DSCAM: variants seen among roughly 807,000 people sequenced by gnomAD.
The protein encoded by DSCAM is DS cell adhesion molecule.
In DSCAM, 47 loss-of-function variants were observed where a neutral mutation model predicts 217.7. The observed-to-expected ratio is 0.22, with a 90% CI of 0.17 to 0.28. The LOEUF is 0.28. DSCAM is among the 10% of genes least tolerant of loss of function. The probability of loss-of-function intolerance (pLI) is 1.00; values close to 1 mark genes in which losing one functional copy is unlikely to be tolerated. For synonymous variants in DSCAM, 1,056 were observed against 1,015.3 expected, an observed-to-expected ratio of 1.04 and a Z score of -0.76; for missense variants, 2,080 against 2,618.3, an observed-to-expected ratio of 0.79 and a Z score of 4.49.
intron 3 of DSCAM, among the ~76,000 whole-genome samples, chr21:40,436,224 T>G (rs1011150735): frequency 6.6e-6 from 1 of 152,252 alleles, no homozygotes; most frequent in Non-Finnish European, 1.5e-5. Flanking sequence ...AAAGTGTCTC[T>G]GTATCAATTG....
intron 3 of DSCAM, among the ~76,000 whole-genome samples, chr21:40,430,318 T>C (rs947649014): frequency 1.3e-5 from 2 of 152,152 alleles, no homozygotes; most frequent in African/African-American, 4.8e-5. Context: ...TGTGAGGGTG[T>C]TGACAAAGGA....
chr21:40,104,196 T>C (rs2089789360), intron 20 of DSCAM, among the ~76,000 whole-genome samples: 1 of 152,208 alleles, frequency 6.6e-6, no homozygotes, highest in Non-Finnish European at 1.5e-5. Context: ...AAAGTTACAT[T>C]ATTAATTTAA....
At chr21:40,216,859 G>T (rs1421609677) in intron 11 of DSCAM, among the ~76,000 whole-genome samples, 1 of 152,212 alleles carries the variant, frequency 6.6e-6, no homozygotes, top group East Asian at 1.9e-4. Context: ...GGACACCTTG[G>T]CAGGGCTAAG....
intron 16 of DSCAM, among the ~76,000 whole-genome samples, chr21:40,160,804 T>G (rs2090532209): frequency 6.6e-6 from 1 of 152,170 alleles, no homozygotes; most frequent in East Asian, 1.9e-4. Context: ...ATACAAAAAA[T>G]CAAAGTGCCT....
chr21:40,166,262 G>C (rs1297626682), intron 16 of DSCAM, among the ~76,000 whole-genome samples: 1 of 152,064 alleles, frequency 6.6e-6, no homozygotes, highest in Non-Finnish European at 1.5e-5. Context: ...TCTTCTCCCA[G>C]TGACGCCACA....
chr21:40,342,644 ATATATTTT>A (rs1159001054), intron 6 of DSCAM, among the ~76,000 whole-genome samples: 1 of 89,326 alleles, frequency 1.1e-5, no homozygotes, highest in African/African-American at 4.8e-5. Flanking sequence ...ATATATATAT[ATATATTTT>A]TTTTTTTTTT....
chr21:40,561,534 C>CATCCTTTAG, intron 3 of DSCAM, among the ~76,000 whole-genome samples: 1 of 152,284 alleles, frequency 6.6e-6, no homozygotes, highest in South Asian at 2.1e-4. Context: ...TTTATATGAT[C>CATCCTTTAG]ATCCTTTAGC....
At chr21:40,683,997 C>T (rs750087806) in intron 3 of DSCAM, among the ~76,000 whole-genome samples, 2 of 151,610 alleles carry the variant, frequency 1.3e-5, no homozygotes, top group Non-Finnish European at 1.5e-5. Context: ...GAGGCCGAGG[C>T]GGGCAGATCA....
rs1214680309 is a variant in DSCAM at position 40,011,063 on chromosome 21, G to T, written c.*1971C>A. The T allele has an allele frequency of 6.6e-6, 1 of 152,048 alleles. No individual in the cohort carries two copies. The highest frequency in any genetic ancestry group is 1.5e-5 in the Non-Finnish European group (1 of 68,004). 9.4% of individuals were successfully genotyped at this position (152,048 alleles called of 1,614,324 possible). Reference sequence around the variant, plus strand: ...AAATGTTAAAAAGGTAAACTTCTATGTTTGGGGGATATAGAAGTTTTAGGT... The same window carrying T: ...AAATGTTAAAAAGGTAAACTTCTATTTTTGGGGGATATAGAAGTTTTAGGT... On this transcript the variant is annotated 3_prime_UTR_variant, in exon 33 of 33. Transcript: ENST00000400454.
intron 3 of DSCAM, among the ~76,000 whole-genome samples, chr21:40,664,507 T>C (rs4818155): frequency 0.8 from 121,095 of 151,806 alleles, 50,039 homozygotes; most frequent in East Asian, 0.98. Context: ...GGGAAAGTGA[T>C]CAAAACCAGC....
intron 3 of DSCAM, among the ~76,000 whole-genome samples, chr21:40,455,843 A>G (rs984727570): frequency 6.6e-6 from 1 of 152,144 alleles, no homozygotes; most frequent in African/African-American, 2.4e-5. Context: ...TAGATGATAG[A>G]TAGATGATAA....
chr21:40,145,144 C>T (rs937859579), intron 16 of DSCAM, among the ~76,000 whole-genome samples: 1 of 152,144 alleles, frequency 6.6e-6, no homozygotes, highest in Admixed American at 6.5e-5. Flanking sequence ...GGTACGCTTA[C>T]GACCGGGTGA....
intron 11 of DSCAM, among the ~76,000 whole-genome samples, chr21:40,266,837 A>G (rs1029588694): frequency 2.6e-4 from 38 of 145,408 alleles, no homozygotes; most frequent in Non-Finnish European, 4.5e-4. Context: ...GTGAAGTACT[A>G]CTAAGCCATA....
chr21:40,698,197 G>A (rs1031968776), intron 2 of DSCAM, among the ~76,000 whole-genome samples: 5 of 152,154 alleles, frequency 3.3e-5, no homozygotes, highest in African/African-American at 4.8e-5. Context: ...TGACAGCAGC[G>A]AATGTGAGAA....
At chr21:40,129,327 A>G (rs1295243424) in intron 19 of DSCAM, among the ~76,000 whole-genome samples, 1 of 152,194 alleles carries the variant, frequency 6.6e-6, no homozygotes, top group Non-Finnish European at 1.5e-5. Context: ...TCCCATGTCC[A>G]TAAGACTCTA....
chr21:40,300,102 T>G (rs2073998149), intron 9 of DSCAM, among the ~76,000 whole-genome samples: 1 of 152,068 alleles, frequency 6.6e-6, no homozygotes. Flanking sequence ...GGTGTTGTCT[T>G]CAATCTTCTC....
intron 3 of DSCAM, among the ~76,000 whole-genome samples, chr21:40,395,899 T>C (rs1008293373): frequency 3.9e-5 from 6 of 152,126 alleles, no homozygotes; most frequent in African/African-American, 7.2e-5. Context: ...CTGAAATCAC[T>C]CCCTGCCACG....
Position 40,651,629 on chromosome 21 carries a change from G to A in DSCAM, c.508+41181C>T, listed in dbSNP as rs1279005112. ...CCTGGAGTAGAGCTACTGCAATTTC[G>A]TCACTCTCTGACCTGTTGGAAACTC... On this transcript the variant is annotated intron_variant, in intron 3 of 32. Coordinates refer to ENST00000400454, the MANE Select transcript of DSCAM (RefSeq NM_001389.5). Among the ~76,000 whole-genome samples, 7 of 152,176 alleles carry A rather than the reference G, an allele frequency of 4.6e-5. No homozygotes were observed. In the South Asian group the frequency reaches 1.0e-3, roughly 23 times the overall value.
At chr21:40,135,809 A>G (rs558117382) in intron 18 of DSCAM, among the ~76,000 whole-genome samples, 1 of 152,218 alleles carries the variant, frequency 6.6e-6, no homozygotes, top group Non-Finnish European at 1.5e-5. Flanking sequence ...TTTGTCACCA[A>G]AAAGATCAAT....
Sources: allele counts gnomAD v4.1 joint callset (sites outside exome capture counted in the v4.1 genomes callset), GRCh38; gene constraint gnomAD v4.1.1; transcripts MANE v1.5; gene names NCBI Gene and HGNC (gene_info 2026-07-23, HGNC 2026-07-21).